The following PPFIA2 variants were observed in gnomAD, a reference collection of about 807,000 sequenced individuals.
PPFIA2 encodes the protein liprin-alpha-2.
A neutral mutation model predicts 175.5 loss-of-function variants in PPFIA2; 46 were observed. The ratio of observed to expected loss-of-function variants is 0.26; its 90% CI spans 0.21 to 0.34. The LOEUF (loss-of-function observed/expected upper bound fraction) is 0.34. Ranked by LOEUF, PPFIA2 falls within the 10% of genes least tolerant of loss-of-function variation. The pLI, the probability that PPFIA2 is intolerant of heterozygous loss-of-function variation, is 1.00. For synonymous variants in PPFIA2, 568 were observed against 511.4 expected (o/e 1.11, Z -1.49); for missense variants, 1,179 against 1,506.1 (o/e 0.78, Z 3.60).
rs148188513 is a variant in PPFIA2, at chr12:81,497,440, A to G, written c.304-39574T>C. Among the ~76,000 whole-genome samples the G allele has an allele frequency of 1.7e-3, 256 of 152,006 alleles. 2 individuals carry two copies. Among genetic ancestry groups the G allele is most frequent in the African/African-American group, 6.0e-3 (250 of 41,502 alleles). Reference sequence around the variant, plus strand: ...ATACACTTTTGGTATATGAGTTAACATAGGAACACATAATAGAGACAGAAG... The same window carrying G: ...ATACACTTTTGGTATATGAGTTAACGTAGGAACACATAATAGAGACAGAAG... On this transcript the variant is annotated intron_variant, in intron 4 of 32. Coordinates refer to ENST00000549396, the MANE Select transcript of PPFIA2 (RefSeq NM_003625.5).
intron 4 of PPFIA2, among the ~76,000 whole-genome samples, chr12:81,560,260 G>A (rs567487987): frequency 6.6e-6 from 1 of 151,980 alleles, no homozygotes; most frequent in African/African-American, 2.4e-5. Context: ...GTGTCTGTGT[G>A]TATGTGTGTG....
At chr12:81,381,734 G>T (rs2037752613) in intron 9 of PPFIA2, among the ~76,000 whole-genome samples, 2 of 152,138 alleles carry the variant, frequency 1.3e-5, no homozygotes, top group Non-Finnish European at 2.9e-5. Context: ...TTCATAAAAA[G>T]TTGTATCATT....
intron 22 of PPFIA2, among the ~76,000 whole-genome samples, chr12:81,322,390 G>A (rs1371910740): frequency 6.6e-6 from 1 of 152,050 alleles, no homozygotes; most frequent in Non-Finnish European, 1.5e-5. Flanking sequence ...GAGAGTCATG[G>A]CATCCCCAGA....
At chr12:81,489,073 T>A (rs2059153943) in intron 4 of PPFIA2, among the ~76,000 whole-genome samples, 1 of 151,848 alleles carries the variant, frequency 6.6e-6, no homozygotes, top group Admixed American at 6.6e-5. Context: ...ATATTCTCAA[T>A]ATGTGCTGAC....
chr12:81,666,448 C>T (rs906264789), intron 4 of PPFIA2, among the ~76,000 whole-genome samples: 1 of 152,160 alleles, frequency 6.6e-6, no homozygotes, highest in East Asian at 1.9e-4. Context: ...ATGATGAGTT[C>T]ATGTCCTTTG....
chr12:81,517,900 C>T (rs916250447), intron 4 of PPFIA2, among the ~76,000 whole-genome samples: 4 of 143,872 alleles, frequency 2.8e-5, no homozygotes, highest in Non-Finnish European at 6.0e-5. Context: ...ACACTGCCTG[C>T]TACCTTTCCT....
chr12:81,517,245 C>A (rs2062576265), intron 4 of PPFIA2, among the ~76,000 whole-genome samples: 1 of 151,576 alleles, frequency 6.6e-6, no homozygotes, highest in Non-Finnish European at 1.5e-5. Context: ...ATTAAATAGA[C>A]TTTAAGCCAA....
chr12:81,523,041 A>G (rs560580581), intron 4 of PPFIA2, among the ~76,000 whole-genome samples: 2 of 152,286 alleles, frequency 1.3e-5, no homozygotes, highest in South Asian at 4.1e-4. Context: ...AGAGGATTAC[A>G]TGAGATTGTT....
At chr12:81,556,679 G>A (rs1443483044) in intron 4 of PPFIA2, among the ~76,000 whole-genome samples, 3 of 151,480 alleles carry the variant, frequency 2.0e-5, no homozygotes, top group East Asian at 1.9e-4. Context: ...ATTAACTTCC[G>A]TGGTTGTGGA....
At chr12:81,390,888 T>C (rs2039992385) in intron 8 of PPFIA2, among the ~76,000 whole-genome samples, 1 of 151,784 alleles carries the variant, frequency 6.6e-6, no homozygotes, top group South Asian at 2.1e-4. Flanking sequence ...TTCAATTTTT[T>C]AAAGCAGTAC....
chr12:81,361,096 T>A (rs1163077776), intron 15 of PPFIA2, among the ~76,000 whole-genome samples: 1 of 151,662 alleles, frequency 6.6e-6, no homozygotes, highest in Non-Finnish European at 1.5e-5. Flanking sequence ...TTGTTCTATA[T>A]AGGCCAAATC....
At chr12:81,666,436 A>C (rs1450861902) in intron 4 of PPFIA2, among the ~76,000 whole-genome samples, 2 of 152,228 alleles carry the variant, frequency 1.3e-5, no homozygotes, top group Non-Finnish European at 2.9e-5. Context: ...CAGCCATAAA[A>C]AATGATGAGT....
intron 7 of PPFIA2, among the ~76,000 whole-genome samples, chr12:81,422,128 GTATATATATGTGTA>G (rs1318510702): frequency 1.5e-5 from 2 of 131,796 alleles, no homozygotes; most frequent in Non-Finnish European, 3.2e-5. Flanking sequence ...ATATATGTGT[GTATATATATGTGTA>G]TATATATGTG....
At chr12:81,391,681 T>C (rs971860076) in intron 8 of PPFIA2, among the ~76,000 whole-genome samples, 6 of 151,938 alleles carry the variant, frequency 3.9e-5, no homozygotes, top group Admixed American at 1.3e-4. Flanking sequence ...GAATTTTCAA[T>C]AAACAATGAA....
At chr12:81,557,194 T>TAC (rs10581154) in intron 4 of PPFIA2, among the ~76,000 whole-genome samples, 13,392 of 149,110 alleles carry the variant, frequency 0.09, 640 homozygotes, top group East Asian at 0.17. Context: ...ATCTTATATC[T>TAC]ACACACACAC....
intron 4 of PPFIA2, among the ~76,000 whole-genome samples, chr12:81,588,065 C>G (rs1016615204): frequency 6.6e-6 from 1 of 151,148 alleles, no homozygotes; most frequent in Admixed American, 6.6e-5. Flanking sequence ...GAGAGACAAG[C>G]AAAAAACTAA....
chr12:81,321,061 G>C (rs2053554299), intron 22 of PPFIA2, among the ~76,000 whole-genome samples: 1 of 151,946 alleles, frequency 6.6e-6, no homozygotes, highest in Non-Finnish European at 1.5e-5. Context: ...AAAACAGAGA[G>C]AGAGAGAGAG....
chr12:81,663,005 C>T (rs2069253638), intron 4 of PPFIA2, among the ~76,000 whole-genome samples: 2 of 152,182 alleles, frequency 1.3e-5, no homozygotes, highest in African/African-American at 2.4e-5. Flanking sequence ...TTCAACAGCC[C>T]TTCATGCTAA....
At position 81,353,151 on chromosome 12, in the gene PPFIA2, C is replaced by T. The variant is rs1229293359; in HGVS notation, c.1962G>A (p.Gln654=). The change falls in exon 17 of 33, where the codon CAG becomes CAA. Residue 654 remains glutamine (Q), a synonymous_variant. Coordinates refer to ENST00000549396, the MANE Select transcript of PPFIA2 (RefSeq NM_003625.5). The part of the protein sequence containing the change: ...SDAQTLAMML[Q]EQLDAINKEI... ...CTTTGTTGATGGCATCCAATTGTTC[C>T]TGAAGCATCATGGCTAGCGTCTGGG... The T allele has an allele frequency of 6.2e-7, 1 of 1,613,598 alleles. No individual in the cohort carries two copies. The highest frequency in any genetic ancestry group is 1.3e-5 in the African/African-American group (1 of 74,878).
Sources: gnomAD v4.1 joint callset for allele counts (sites outside exome capture counted in the v4.1 genomes callset) on GRCh38, gnomAD v4.1.1 for gene constraint, MANE v1.5 for transcripts, NCBI Gene and HGNC (gene_info 2026-07-23, HGNC 2026-07-21) for gene names.